Variants in CDH18 observed in about 807,000 individuals in gnomAD.
CDH18 encodes cadherin 18, also known as cadherin-18.
CDH18 carries 31 observed loss-of-function variants against 67.9 expected under a neutral mutation model. The ratio of observed to expected loss-of-function variants is 0.46; its 90% CI spans 0.34 to 0.62. CDH18 has a LOEUF of 0.62. CDH18 is among the 20% of genes least tolerant of loss of function. The pLI, the probability that CDH18 is intolerant of heterozygous loss-of-function variation, is 0.01. For synonymous variants in CDH18, 362 were observed against 347.2 expected (o/e 1.04, Z -0.48); for missense variants, 890 against 975.5 (o/e 0.91, Z 1.17).
At chr5:19,776,104 G>A (rs1210390608) in intron 3 of CDH18, among the ~76,000 whole-genome samples, 1 of 151,854 alleles carries the variant, frequency 6.6e-6, no homozygotes, top group Non-Finnish European at 1.5e-5. Flanking sequence ...AGAATGAGGA[G>A]AAATTTGAAA....
intron 1 of CDH18, among the ~76,000 whole-genome samples, chr5:20,431,090 C>G (rs772418036): frequency 3.3e-5 from 5 of 152,072 alleles, no homozygotes. Context: ...ACCACTAATT[C>G]TTATTGAATA....
At chr5:19,913,070 C>G (rs552234037) in intron 2 of CDH18, among the ~76,000 whole-genome samples, 1 of 151,814 alleles carries the variant, frequency 6.6e-6, no homozygotes, top group South Asian at 2.1e-4. Flanking sequence ...AAGAAAGAAT[C>G]AAGAAAAATG....
intron 1 of CDH18, among the ~76,000 whole-genome samples, chr5:20,343,613 C>A (rs139970818): frequency 2.3e-4 from 35 of 152,208 alleles, no homozygotes; most frequent in African/African-American, 8.4e-4. Context: ...ACAATGGTCA[C>A]CCTGAATGAC....
intron 10 of CDH18, among the ~76,000 whole-genome samples, chr5:19,511,863 A>C (rs191443578): frequency 6.6e-6 from 1 of 152,320 alleles, no homozygotes; most frequent in East Asian, 1.9e-4. Flanking sequence ...TCTGAGGAGA[A>C]ATTCAAGTTG....
At chr5:19,705,638 C>A (rs571795861) in intron 5 of CDH18, among the ~76,000 whole-genome samples, 1 of 152,278 alleles carries the variant, frequency 6.6e-6, no homozygotes, top group East Asian at 1.9e-4. Context: ...AGAGCAGGAT[C>A]TTGTAGAGTG....
At chr5:20,155,288 G>A (rs1751437381) in intron 2 of CDH18, among the ~76,000 whole-genome samples, 1 of 151,966 alleles carries the variant, frequency 6.6e-6, no homozygotes, top group African/African-American at 2.4e-5. Context: ...TCCTCTCAAA[G>A]CAAATTTGTG....
chr5:19,886,256 T>C (rs1788177944), intron 2 of CDH18: 1 of 152,166 alleles, frequency 6.6e-6, no homozygotes, highest in Non-Finnish European at 1.5e-5. Flanking sequence ...GTACATTAGA[T>C]GACTGCAGTA....
chr5:20,260,098 C>G (rs1744535833), intron 1 of CDH18, among the ~76,000 whole-genome samples: 1 of 151,728 alleles, frequency 6.6e-6, no homozygotes, highest in South Asian at 2.1e-4. Context: ...TACAGATTTT[C>G]TCAACCAAGA....
intron 1 of CDH18, among the ~76,000 whole-genome samples, chr5:20,405,508 A>G (rs1184488920): frequency 2.0e-5 from 3 of 152,238 alleles, no homozygotes; most frequent in Admixed American, 6.5e-5. Flanking sequence ...AGGCAATACC[A>G]TTCAGGACAT....
intron 1 of CDH18, among the ~76,000 whole-genome samples, chr5:20,527,990 C>T (rs1405756745): frequency 6.6e-6 from 1 of 152,030 alleles, no homozygotes; most frequent in African/African-American, 2.4e-5. Flanking sequence ...TGACAAGACT[C>T]ATTGGTGTGC....
intron 1 of CDH18, among the ~76,000 whole-genome samples, chr5:20,426,286 CATG>C: frequency 6.6e-6 from 1 of 151,036 alleles, no homozygotes; most frequent in East Asian, 1.9e-4. Flanking sequence ...ATATGCAATG[CATG>C]ATAATTATTA....
At chr5:20,414,586 C>T (rs977439810) in intron 1 of CDH18, among the ~76,000 whole-genome samples, 2 of 152,094 alleles carry the variant, frequency 1.3e-5, no homozygotes, top group African/African-American at 2.4e-5. Context: ...TCCATGTAAC[C>T]AACCTACTCT....
chr5:20,519,670 C>T (rs1481171406), intron 1 of CDH18, among the ~76,000 whole-genome samples: 2 of 151,506 alleles, frequency 1.3e-5, no homozygotes, highest in Admixed American at 6.6e-5. Flanking sequence ...CAGGGAAGTG[C>T]ATTTGTCCTT....
intron 5 of CDH18, among the ~76,000 whole-genome samples, chr5:19,692,925 G>C (rs1762080029): frequency 6.6e-6 from 1 of 151,818 alleles, no homozygotes; most frequent in African/African-American, 2.4e-5. Flanking sequence ...GTATATCAAA[G>C]GTATAACTAC....
intron 11 of CDH18, among the ~76,000 whole-genome samples, chr5:19,497,677 A>C (rs938416051): frequency 6.6e-6 from 1 of 152,212 alleles, no homozygotes; most frequent in African/African-American, 2.4e-5. Flanking sequence ...CAGAGTATAG[A>C]TGGGCGAAGA....
In CDH18 at chr5:19,477,143, T is replaced by TA. The variant is rs1407164778; in HGVS notation, c.1883-3428_1883-3427insT. 2.7e-5 allele frequency among the ~76,000 whole-genome samples: 4 copies of TA among 148,204 alleles called. No homozygotes were observed. The Admixed American group carries it at 2.7e-4, about 10-fold the overall frequency. The stretch of plus-strand genomic sequence containing the variant: ...TAATAAAAGGAGATATATATATATA[T>TA]TTATATATATATATGTATAAAATCA... On this transcript the variant is annotated intron_variant, in intron 12 of 12. Coordinates refer to ENST00000382275, the MANE Select transcript of CDH18 (RefSeq NM_004934.5).
chr5:20,428,439 T>A (rs910078143), intron 1 of CDH18, among the ~76,000 whole-genome samples: 5 of 152,222 alleles, frequency 3.3e-5, no homozygotes, highest in African/African-American at 1.2e-4. Context: ...GAATGATTTA[T>A]AAACCTTTGG....
intron 2 of CDH18, among the ~76,000 whole-genome samples, chr5:20,147,345 T>C (rs1036480882): frequency 6.6e-6 from 1 of 152,132 alleles, no homozygotes; most frequent in Non-Finnish European, 1.5e-5. Context: ...GCAACAGTTA[T>C]TAAGCAGAAG....
At chr5:19,853,935 T>A (rs1470541141) in intron 2 of CDH18, among the ~76,000 whole-genome samples, 4 of 152,106 alleles carry the variant, frequency 2.6e-5, no homozygotes, top group Non-Finnish European at 5.9e-5. Flanking sequence ...AAGAAAAGAT[T>A]GTTAAAAACC....
Sources: allele counts gnomAD v4.1 joint callset (sites outside exome capture counted in the v4.1 genomes callset), GRCh38; gene constraint gnomAD v4.1.1; transcripts MANE v1.5; gene names NCBI Gene and HGNC (gene_info 2026-07-23, HGNC 2026-07-21).